ERP44: variants seen among roughly 807,000 people sequenced by gnomAD.
The protein encoded by ERP44 is endoplasmic reticulum protein 44.
A neutral mutation model predicts 53.4 loss-of-function variants in ERP44; 25 were observed. The ratio of observed to expected loss-of-function variants is 0.47; its 90% CI spans 0.34 to 0.65. The LOEUF is 0.65. ERP44 is among the 30% of genes least tolerant of loss of function. ERP44 has a pLI of 0.01. For missense variants in ERP44, 338 were observed against 493.2 expected (o/e 0.69, Z 2.98); for synonymous variants, 145 against 161.2 (o/e 0.90, Z 0.76).
At chr9:100,032,284 G>A (rs1421940097) in intron 4 of ERP44, among the ~76,000 whole-genome samples, 2 of 152,100 alleles carry the variant, frequency 1.3e-5, no homozygotes, top group African/African-American at 4.8e-5. Flanking sequence ...AAAAAACTGG[G>A]AAGTAAAAAA....
chr9:100,087,994 A>C (rs1020279219), intron 1 of ERP44, among the ~76,000 whole-genome samples: 4 of 152,118 alleles, frequency 2.6e-5, no homozygotes, highest in Non-Finnish European at 4.4e-5. Context: ...TTAACATTTT[A>C]AGTTACTACA....
At chr9:100,042,768 G>A (rs147301082) in intron 4 of ERP44, among the ~76,000 whole-genome samples, 1 of 152,274 alleles carries the variant, frequency 6.6e-6, no homozygotes, top group African/African-American at 2.4e-5. Context: ...CAACAACATG[G>A]ATGGAACTGG....
At chr9:100,038,448 C>T (rs6478998) in intron 4 of ERP44, among the ~76,000 whole-genome samples, 1 of 151,838 alleles carries the variant, frequency 6.6e-6, no homozygotes, top group Non-Finnish European at 1.5e-5. Context: ...ATGAGTTATA[C>T]GATAGTATCT....
At chr9:100,068,751 G>A (rs1234664535) in intron 1 of ERP44, among the ~76,000 whole-genome samples, 1 of 149,094 alleles carries the variant, frequency 6.7e-6, no homozygotes, top group Non-Finnish European at 1.5e-5. Context: ...GGGAAGTGAG[G>A]AGCCCCTCTG....
At chr9:100,035,110 C>T (rs543121645) in intron 4 of ERP44, among the ~76,000 whole-genome samples, 5 of 152,248 alleles carry the variant, frequency 3.3e-5, no homozygotes, top group Admixed American at 1.3e-4. Flanking sequence ...TGACATCAGA[C>T]TATAAAAATC....
chr9:100,041,032 T>C (rs1050334476), intron 4 of ERP44, among the ~76,000 whole-genome samples: 32 of 152,152 alleles, frequency 2.1e-4, no homozygotes, highest in African/African-American at 6.8e-4. Context: ...ATTCTATGTT[T>C]ATGGATTGGA....
At chr9:100,015,965 C>T (rs923581202) in intron 8 of ERP44, among the ~76,000 whole-genome samples, 2 of 152,116 alleles carry the variant, frequency 1.3e-5, no homozygotes, top group African/African-American at 2.4e-5. Context: ...CCTAGCAGGC[C>T]GTGGACTGAT....
chr9:100,091,519 C>A lies in ERP44; in HGVS notation c.57+7265G>T, dbSNP rs78729904. On this transcript the variant is annotated intron_variant, in intron 1 of 11. Transcript: ENST00000262455. ...AATTCTGACATTTGGCCACGTCAGC[C>A]AACCAGACAACAAGATTTCTTAAAA... Among the ~76,000 whole-genome samples, 407 of 152,252 alleles carry A rather than the reference C, an allele frequency of 2.7e-3. 1 individual carries two copies. The highest frequency in any genetic ancestry group is 9.2e-3 in the African/African-American group (383 of 41,540).
At chr9:100,064,591 A>AC (rs1826189831) in intron 1 of ERP44, among the ~76,000 whole-genome samples, 1 of 152,176 alleles carries the variant, frequency 6.6e-6, no homozygotes, top group Non-Finnish European at 1.5e-5. Flanking sequence ...TCACTACTTA[A>AC]CAGTTGGTTC....
At chr9:100,070,583 A>G (rs1826289506) in intron 1 of ERP44, among the ~76,000 whole-genome samples, 2 of 152,252 alleles carry the variant, frequency 1.3e-5, no homozygotes, top group South Asian at 4.1e-4. Flanking sequence ...GTTACTGAAC[A>G]ATCTTTTAAC....
At chr9:100,018,648 C>T (rs1830552096) in intron 6 of ERP44, among the ~76,000 whole-genome samples, 1 of 152,128 alleles carries the variant, frequency 6.6e-6, no homozygotes, top group Non-Finnish European at 1.5e-5. Context: ...AAATAACCCA[C>T]ATCACTAAAA....
chr9:100,002,287 G>C (rs1830385997), intron 10 of ERP44, among the ~76,000 whole-genome samples: 1 of 152,078 alleles, frequency 6.6e-6, no homozygotes, highest in Admixed American at 6.5e-5. Context: ...AGCTATAAGT[G>C]ATTTATATAC....
intron 1 of ERP44, among the ~76,000 whole-genome samples, chr9:100,063,075 C>CCAAAAAAAAAAAAAAAAAAAAAA (rs1178978077): frequency 2.5e-5 from 1 of 40,074 alleles, no homozygotes; most frequent in East Asian, 1.3e-3. Flanking sequence ...CCCTGTCTCA[C>CCAAAAAAAAAAAAAAAAAAAAAA]AAAAAAAAAA....
intron 9 of ERP44, among the ~76,000 whole-genome samples, chr9:100,007,318 C>T (rs1472120214): frequency 6.6e-6 from 1 of 152,242 alleles, no homozygotes; most frequent in Non-Finnish European, 1.5e-5. Flanking sequence ...AGAACTAATG[C>T]TCATTCATGA....
intron 1 of ERP44, among the ~76,000 whole-genome samples, chr9:100,084,556 A>G (rs887033647): frequency 1.5e-4 from 23 of 152,228 alleles, no homozygotes; most frequent in African/African-American, 5.3e-4. Flanking sequence ...ACAAGAGTTC[A>G]TATTTCTCTT....
At chr9:100,090,752 A>G (rs1280276439) in intron 1 of ERP44, among the ~76,000 whole-genome samples, 1 of 151,984 alleles carries the variant, frequency 6.6e-6, no homozygotes, top group Non-Finnish European at 1.5e-5. Flanking sequence ...CTGTTTCAAA[A>G]AAAAAAAAAT....
At chr9:100,051,450 G>A (rs1279219591) in intron 4 of ERP44, among the ~76,000 whole-genome samples, 1 of 152,162 alleles carries the variant, frequency 6.6e-6, no homozygotes, top group Non-Finnish European at 1.5e-5. Flanking sequence ...AAGAATGGGA[G>A]ACAGTTCTGT....
chr9:100,069,567 G>T (rs1423188128), intron 1 of ERP44, among the ~76,000 whole-genome samples: 1 of 152,058 alleles, frequency 6.6e-6, no homozygotes. Flanking sequence ...GTGCACTCCA[G>T]CCTGGGTGAC....
In ERP44 at chr9:100,022,348, G is replaced by A. The variant is rs536516640; in HGVS notation, c.287-122C>T. 70 of 627,716 alleles carry A rather than the reference G, an allele frequency of 1.1e-4. No homozygotes were observed. In the Admixed American group the frequency reaches 1.9e-3, roughly 17 times the overall value. 38.9% of individuals were successfully genotyped at this position (627,716 alleles called of 1,614,324 possible). ...TTTTGGTTCAAGTCATTGTTTTTCA[G>A]TGAGAGAGAAAAAAATAATAATAAT... On this transcript the variant is annotated intron_variant, in intron 4 of 11. Coordinates refer to ENST00000262455, the MANE Select transcript of ERP44 (RefSeq NM_015051.3).
Sources: gnomAD v4.1 joint callset for allele counts (sites outside exome capture counted in the v4.1 genomes callset) on GRCh38, gnomAD v4.1.1 for gene constraint, MANE v1.5 for transcripts, NCBI Gene and HGNC (gene_info 2026-07-23, HGNC 2026-07-21) for gene names.